YBX3: variants seen among roughly 807,000 people sequenced by gnomAD.
YBX3 encodes the protein Y-box binding protein 3, also known as Y-box-binding protein 3.
A neutral mutation model predicts 42.4 loss-of-function variants in YBX3; 29 were observed. The ratio of observed to expected loss-of-function variants is 0.68; its 90% CI spans 0.51 to 0.93. YBX3 has a LOEUF of 0.93. Among genes scored for constraint, YBX3 ranks in the 40% least tolerant of loss-of-function variants. The pLI, the probability that YBX3 is intolerant of heterozygous loss-of-function variation, is 0.00. For missense variants in YBX3, 517 were observed against 527.5 expected, an observed-to-expected ratio of 0.98 and a Z score of 0.19; for synonymous variants, 195 against 189.8, an observed-to-expected ratio of 1.03 and a Z score of -0.22.
chr12:10,701,236 G>A lies in YBX3; in HGVS notation c.*34+18C>T. 1 of 771,628 alleles carries A rather than the reference G, an allele frequency of 1.3e-6. No individual in the cohort carries two copies. The highest frequency in any genetic ancestry group is 2.4e-6 in the Non-Finnish European group (1 of 415,904). The allele number at this position is 771,628 out of a possible 1,614,324, so 47.8% of individuals were successfully genotyped here. ...AAAAGAAAATACCAACTCAAGACTG[G>A]GCTGCCCCAGCTCTTACCTGCCGAT... On this transcript the variant is annotated intron_variant, in intron 9 of 9. Coordinates refer to ENST00000228251, the MANE Select transcript of YBX3 (RefSeq NM_003651.5).
In YBX3 at chr12:10,710,236, A is replaced by G. The variant is rs1348281824; in HGVS notation, c.574-122T>C. 3 of 1,530,650 alleles carry G rather than the reference A, an allele frequency of 2.0e-6. No homozygotes were observed. The African/African-American group carries it at 4.1e-5, about 21-fold the overall frequency. 94.8% of individuals were successfully genotyped at this position (1,530,650 alleles called of 1,614,324 possible). A position where few individuals can be genotyped will look rare whatever the true frequency, so the allele number is the denominator to read the frequency against. ...CCAAAGCAATATAATCCTTTCCATT[A>G]TACAGACAAAATGCATTTAACCCAG... is the stretch of plus-strand genomic sequence containing the variant. On this transcript the variant is annotated intron_variant, in intron 5 of 9. Transcript: ENST00000228251.
chr12:10,701,889 C>G, intron 8 of YBX3, 71 bp downstream of exon 8: 1 of 1,519,178 alleles, frequency 6.6e-7, no homozygotes. Context: ...GATAAAACCA[C>G]TTTTAGAATG....
At chr12:10,716,606 G>C (rs1948265029) in intron 3 of YBX3, among the ~76,000 whole-genome samples, 1 of 152,088 alleles carries the variant, frequency 6.6e-6, no homozygotes, top group East Asian at 1.9e-4. Flanking sequence ...CCATTTCTTT[G>C]GCTGGTATCT....
At chr12:10,722,819 G>A (rs749866014) in intron 1 of YBX3, 31 bp downstream of exon 1, 6 of 1,419,538 alleles carry the variant, frequency 4.2e-6, no homozygotes, top group African/African-American at 3.0e-5. Context: ...GCCCCACTAC[G>A]GCAGCCCCTG....
In YBX3 at chr12:10,722,932, C is replaced by T. The variant is rs1258395535; in HGVS notation, c.180G>A (p.Ala60=). 68 of 1,349,790 alleles carry T rather than the reference C, an allele frequency of 5.0e-5. No individual in the cohort carries two copies. The highest frequency in any genetic ancestry group is 5.8e-5 in the Non-Finnish European group (61 of 1,052,938). 83.6% of individuals were successfully genotyped at this position (1,349,790 alleles called of 1,614,324 possible). The change falls in exon 1 of 10, where the codon GCG becomes GCA. Residue 60 remains alanine, a synonymous_variant. Transcript: ENST00000228251. ...AHVAGNPGGD[A]APAATGTAAA... is the part of the protein sequence containing the mutation. ...CCGCGGTGCCCGTGGCTGCGGGGGC[C>T]GCGTCCCCACCGGGGTTTCCTGCGA...
intron 3 of YBX3, among the ~76,000 whole-genome samples, chr12:10,717,228 G>A (rs1208348447): frequency 2.6e-5 from 4 of 152,014 alleles, no homozygotes; most frequent in African/African-American, 7.3e-5. Flanking sequence ...CTAAACAGAA[G>A]GAAACAAAAA....
rs1032549480 is a variant in YBX3 at position 10,701,976 on chromosome 12, G to A, written c.1037C>T (p.Ser346Leu). Reference sequence around the variant, plus strand: ...TGGATTTACCTCTTTGCCATCTTGTGAAGGAGCGTTAGGAGGACGCGGGCG... The same window carrying A: ...TGGATTTACCTCTTTGCCATCTTGTAAAGGAGCGTTAGGAGGACGCGGGCG... ...RRRPRPPNAP[S>L]QDGKEAKAGE... Residue 346 changes from serine (S) to leucine (L), a missense_variant, in exon 8 of 10, where the codon TCA becomes TTA. Transcript: ENST00000228251. 6.8e-6 allele frequency: 11 copies of A among 1,612,596 alleles called. No homozygotes were observed. The highest frequency in any genetic ancestry group is 9.3e-6 in the Non-Finnish European group (11 of 1,179,492).
At chr12:10,709,869 G>A in intron 6 of YBX3, 39 bp downstream of exon 6, 1 of 1,608,968 alleles carries the variant, frequency 6.2e-7, no homozygotes, top group Non-Finnish European at 8.5e-7. Context: ...GGACGGAAGG[G>A]TGAGGATTGC....
At position 10,702,061 on chromosome 12, in the gene YBX3, T is replaced by G. The variant is rs137922582; in HGVS notation, c.952A>C (p.Ser318Arg). The G allele has an allele frequency of 1.9e-5, 31 of 1,614,104 alleles. No homozygotes were observed. The African/African-American group carries it at 4.0e-4, about 21-fold the overall frequency. ...CGAACAGACGGCTGGTTTGGACCAC[T>G]GGTGGCTTGCTGATTTTCTTTATCT... ...AEDKENQQAT[S>R]GPNQPSVRRG... Residue 318 changes from serine (S) to arginine (R), a missense_variant, in exon 8 of 10, where the codon AGT becomes CGT. Physicochemically the swap from Ser to Arg is moderately radical, Grantham distance 110. Coordinates refer to ENST00000228251, the MANE Select transcript of YBX3 (RefSeq NM_003651.5).
intron 3 of YBX3, chr12:10,716,057 C>G: frequency 2.4e-6 from 1 of 409,968 alleles, no homozygotes. Flanking sequence ...AGTGACTACA[C>G]ACTACTGTTA....
intron 6 of YBX3, 106 bp downstream of exon 6, chr12:10,709,802 T>C (rs990546340): frequency 2.7e-5 from 37 of 1,359,542 alleles, no homozygotes; most frequent in Non-Finnish European, 3.6e-5. Flanking sequence ...CAGGAAGCCA[T>C]AAGCAAGGTT....
At chr12:10,705,791 A>C (rs1948130845) in intron 6 of YBX3, among the ~76,000 whole-genome samples, 1 of 152,038 alleles carries the variant, frequency 6.6e-6, no homozygotes, top group South Asian at 2.1e-4. Context: ...TATTTTTTTC[A>C]ATGAGTTGTA....
rs75680390 is a variant in YBX3 at position 10,718,005 on chromosome 12, G to T, written c.360+83C>A. 3,641 of 1,179,888 alleles carry T rather than the reference G, an allele frequency of 3.1e-3. 87 individuals carry two copies. The African/African-American group carries it at 0.05, about 16-fold the overall frequency. The allele number at this position is 1,179,888 out of a possible 1,614,324, so 73.1% of individuals were successfully genotyped here. Reference sequence around the variant, plus strand: ...GTTTAGATTAAAATAATAATCCATAGGACTTACTTTTGGGAAAGGGCTGAC... The same window carrying T: ...GTTTAGATTAAAATAATAATCCATATGACTTACTTTTGGGAAAGGGCTGAC... On this transcript the variant is annotated intron_variant, in intron 3 of 9. Transcript: ENST00000228251.
Position 10,722,856 on chromosome 12 carries a change from CT to C in YBX3, c.255del (p.Val86PhefsTer22). The C allele has an allele frequency of 2.7e-6, 4 of 1,494,508 alleles. No homozygotes were observed. The highest frequency in any genetic ancestry group is 3.6e-6 in the Non-Finnish European group (4 of 1,122,152). The allele number at this position is 1,494,508 out of a possible 1,614,324, so 92.6% of individuals were successfully genotyped here. A position where few individuals can be genotyped will look rare whatever the true frequency, so the allele number is the denominator to read the frequency against. ...CCTCCCTGGCCTGACTCACCGAGAA[CT>C]TTTTTCTCCGCGTCTTCGCTGCCGG... is the stretch of plus-strand genomic sequence containing the variant. ...TAAGSEDAEK[K>X]VLATKVLGTV... On this transcript the variant is annotated frameshift_variant, in exon 1 of 10. Coordinates refer to ENST00000228251, the MANE Select transcript of YBX3 (RefSeq NM_003651.5). LOFTEE classifies it high-confidence loss of function.
intron 6 of YBX3, among the ~76,000 whole-genome samples, chr12:10,706,296 C>T (rs1041645398): frequency 1.3e-5 from 2 of 152,154 alleles, no homozygotes; most frequent in South Asian, 4.1e-4. Flanking sequence ...TTGCTCTGAT[C>T]CCTTATCTTC....
chr12:10,719,218 A>C, intron 1 of YBX3, 75 bp from the exon 2 acceptor site: 1 of 1,267,486 alleles, frequency 7.9e-7, no homozygotes, highest in Non-Finnish European at 1.1e-6. Context: ...AGATCTTGAT[A>C]ACATTAGACA....
At chr12:10,701,914 G>GATTAAAGACT in intron 8 of YBX3, 46 bp downstream of exon 8, 1 of 1,563,674 alleles carries the variant, frequency 6.4e-7, no homozygotes, top group Non-Finnish European at 8.7e-7. Context: ...AGTCTGACAT[G>GATTAAAGACT]ATTAAAGACT....
intron 7 of YBX3, 144 bp downstream of exon 7, chr12:10,703,907 A>G (rs1948108533): frequency 5.9e-6 from 4 of 683,136 alleles, no homozygotes; most frequent in African/African-American, 1.8e-5. Flanking sequence ...ATGTCACACC[A>G]CCACCTGAAA....
At chr12:10,716,765 G>C (rs1332082508) in intron 3 of YBX3, among the ~76,000 whole-genome samples, 1 of 152,164 alleles carries the variant, frequency 6.6e-6, no homozygotes, top group Non-Finnish European at 1.5e-5. Context: ...CTCACCCATA[G>C]AGGAAAAAAG....
Sources: gnomAD v4.1 joint callset for allele counts (sites outside exome capture counted in the v4.1 genomes callset) on GRCh38, gnomAD v4.1.1 for gene constraint, MANE v1.5 for transcripts, NCBI Gene and HGNC (gene_info 2026-07-23, HGNC 2026-07-21) for gene names.